EGFR: variants seen among roughly 807,000 people sequenced by gnomAD.
The protein encoded by EGFR is epidermal growth factor receptor.
In EGFR, 58 loss-of-function variants were observed where a neutral mutation model predicts 143.0. That is an observed-to-expected ratio of 0.41 (90% confidence interval 0.33 to 0.50). EGFR has a LOEUF of 0.50. Ranked by LOEUF, EGFR falls within the 20% of genes least tolerant of loss-of-function variation. The probability of loss-of-function intolerance (pLI) is 0.39; values close to 1 mark genes in which losing one functional copy is unlikely to be tolerated. For missense variants in EGFR, 1,307 were observed against 1,579.0 expected (o/e 0.83, Z 2.92); for synonymous variants, 613 against 594.4 (o/e 1.03, Z -0.45).
chr7:55,097,450 G>A (rs1412126303), intron 1 of EGFR, among the ~76,000 whole-genome samples: 1 of 152,184 alleles, frequency 6.6e-6, no homozygotes. Context: ...AAGAGAAAAT[G>A]GAGAAGTAAA....
intron 1 of EGFR, among the ~76,000 whole-genome samples, chr7:55,101,245 C>T (rs909697762): frequency 6.6e-6 from 1 of 152,216 alleles, no homozygotes; most frequent in Non-Finnish European, 1.5e-5. Flanking sequence ...GACCTAAGTC[C>T]TCGTCATTTG....
intron 20 of EGFR, among the ~76,000 whole-genome samples, chr7:55,182,861 G>A (rs1408990215): frequency 6.6e-6 from 1 of 152,172 alleles, no homozygotes. Context: ...GTGGTCCTGG[G>A]AGAGGGTCTT....
intron 15 of EGFR, chr7:55,170,824 C>G (rs1297824837): frequency 1.4e-6 from 2 of 1,417,038 alleles, no homozygotes; most frequent in Admixed American, 2.9e-5. Flanking sequence ...ATGCTTCTAG[C>G]CTTGGTTCCT....
intron 1 of EGFR, among the ~76,000 whole-genome samples, chr7:55,066,954 G>A (rs1356538473): frequency 5.3e-5 from 8 of 152,178 alleles, no homozygotes; most frequent in Non-Finnish European, 1.2e-4. Flanking sequence ...TGGATGCTGA[G>A]CTGGTCACTT....
At chr7:55,176,281 A>G (rs1405114475) in intron 19 of EGFR, among the ~76,000 whole-genome samples, 1 of 152,234 alleles carries the variant, frequency 6.6e-6, no homozygotes, top group East Asian at 1.9e-4. Flanking sequence ...TTCTAAGACA[A>G]TAGTTGTGCT....
intron 1 of EGFR, among the ~76,000 whole-genome samples, chr7:55,083,769 T>C (rs982057049): frequency 6.6e-6 from 1 of 152,250 alleles, no homozygotes; most frequent in Non-Finnish European, 1.5e-5. Context: ...CATTAATGTT[T>C]AAATATACTG....
At chr7:55,101,529 T>G (rs2128901595) in intron 1 of EGFR, among the ~76,000 whole-genome samples, 1 of 152,332 alleles carries the variant, frequency 6.6e-6, no homozygotes, top group African/African-American at 2.4e-5. Context: ...TCAGCCAGCC[T>G]GCATACTTCC....
At chr7:55,085,029 C>T (rs17336024) in intron 1 of EGFR, among the ~76,000 whole-genome samples, 2,426 of 152,240 alleles carry the variant, frequency 0.016, 71 homozygotes, top group African/African-American at 0.055. Context: ...CGGAATGGTA[C>T]GCTCAAATGC....
chr7:55,108,183 A>G (rs7796139), intron 1 of EGFR, among the ~76,000 whole-genome samples: 29,590 of 152,278 alleles, frequency 0.19, 3,398 homozygotes, highest in Middle Eastern at 0.33. Context: ...GAGCCTAGAA[A>G]AGCCCTGAGT....
rs147232748 is a variant in EGFR, at chr7:55,126,849, A to G, written c.89-15437A>G. On this transcript the variant is annotated intron_variant, in intron 1 of 27. Coordinates refer to ENST00000275493, the MANE Select transcript of EGFR (RefSeq NM_005228.5). ...TTGTCAGGGGATGAGTGAGATATTCATTATACAAAAAGTAGTGTGGATTTT... is the reference window on the plus strand; with the variant it reads ...TTGTCAGGGGATGAGTGAGATATTCGTTATACAAAAAGTAGTGTGGATTTT... 2.7e-3 allele frequency among the ~76,000 whole-genome samples: 415 copies of G among 152,332 alleles called. 5 individuals carry two copies. The highest frequency in any genetic ancestry group is 9.7e-3 in the African/African-American group (404 of 41,574).
chr7:55,101,049 C>T (rs978512973), intron 1 of EGFR, among the ~76,000 whole-genome samples: 2 of 152,240 alleles, frequency 1.3e-5, no homozygotes, highest in African/African-American at 2.4e-5. Context: ...TGATTCTTCT[C>T]CTCCCGCGGC....
At chr7:55,042,970 T>G (rs1054634675) in intron 1 of EGFR, among the ~76,000 whole-genome samples, 4 of 152,192 alleles carry the variant, frequency 2.6e-5, no homozygotes, top group Admixed American at 2.0e-4. Context: ...TTGGTATGTC[T>G]TGAAGTTATA....
At chr7:55,094,700 T>A (rs1346958245) in intron 1 of EGFR, among the ~76,000 whole-genome samples, 2 of 152,208 alleles carry the variant, frequency 1.3e-5, no homozygotes, top group Admixed American at 1.3e-4. Context: ...ACAGATCCAC[T>A]TTGAGAGAAG....
At chr7:55,034,155 C>T (rs1318850572) in intron 1 of EGFR, among the ~76,000 whole-genome samples, 1 of 152,140 alleles carries the variant, frequency 6.6e-6, no homozygotes, top group Non-Finnish European at 1.5e-5. Flanking sequence ...TTGGCCCTTT[C>T]GGCAATGTTT....
chr7:55,059,863 C>T (rs1046537897), intron 1 of EGFR, among the ~76,000 whole-genome samples: 6 of 152,120 alleles, frequency 3.9e-5, no homozygotes, highest in East Asian at 1.9e-4. Flanking sequence ...TCATTCTCAC[C>T]GAGATGTGCT....
intron 1 of EGFR, chr7:55,044,116 C>G (rs1053243112): frequency 2.0e-5 from 3 of 152,146 alleles, no homozygotes; most frequent in African/African-American, 7.2e-5. Context: ...AAAACACGTG[C>G]TTTTCTTTTT....
chr7:55,059,564 T>C (rs1789045654), intron 1 of EGFR, among the ~76,000 whole-genome samples: 2 of 152,062 alleles, frequency 1.3e-5, no homozygotes, highest in East Asian at 1.9e-4. Context: ...GCATTCACCA[T>C]TACTATATCA....
At chr7:55,141,200 T>A (rs1189400394) in intron 1 of EGFR, among the ~76,000 whole-genome samples, 1 of 152,152 alleles carries the variant, frequency 6.6e-6, no homozygotes, top group East Asian at 1.9e-4. Flanking sequence ...TTAAGATAAT[T>A]TGGGTTCAAA....
At chr7:55,171,263 A>G in intron 16 of EGFR, 50 bp downstream of exon 16, 1 of 1,608,890 alleles carries the variant, frequency 6.2e-7, no homozygotes, top group Non-Finnish European at 8.5e-7. Flanking sequence ...GAATGACCAC[A>G]CTGCTGTGGG....
Sources: gnomAD v4.1 joint callset for allele counts (sites outside exome capture counted in the v4.1 genomes callset) on GRCh38, gnomAD v4.1.1 for gene constraint, MANE v1.5 for transcripts, NCBI Gene and HGNC (gene_info 2026-07-23, HGNC 2026-07-21) for gene names.